The following SLC30A9 variants were observed in gnomAD, a reference collection of about 807,000 sequenced individuals.
The protein encoded by SLC30A9 is proton-coupled zinc antiporter SLC30A9, mitochondrial.
Under a neutral mutation model 87.5 loss-of-function variants are expected in SLC30A9, and 58 were observed. The ratio of observed to expected loss-of-function variants is 0.66; its 90% confidence interval spans 0.54 to 0.82. The LOEUF (loss-of-function observed/expected upper bound fraction) is 0.82, where lower values mean the gene tolerates loss of function less well. Ranked by LOEUF, SLC30A9 falls within the 40% of genes least tolerant of loss-of-function variation. The pLI, the probability that SLC30A9 is intolerant of heterozygous loss-of-function variation, is 0.00. For synonymous variants in SLC30A9, 234 were observed against 233.0 expected (o/e 1.00, Z -0.04); for missense variants, 557 against 679.1 (o/e 0.82, Z 2.00).
At chr4:42,064,330 GA>G (rs1345551347) in intron 11 of SLC30A9, among the ~76,000 whole-genome samples, 2 of 152,134 alleles carry the variant, frequency 1.3e-5, no homozygotes, top group African/African-American at 4.8e-5. Flanking sequence ...GGAATGTGGG[GA>G]TACTTGTACC....
chr4:41,992,599 G>C (rs1219069094), intron 1 of SLC30A9, among the ~76,000 whole-genome samples: 2 of 152,142 alleles, frequency 1.3e-5, no homozygotes, highest in East Asian at 3.8e-4. Flanking sequence ...TGTCTCATCT[G>C]TCTGTGAAAC....
intron 2 of SLC30A9, among the ~76,000 whole-genome samples, chr4:42,005,547 C>T (rs1431262060): frequency 6.6e-6 from 1 of 152,166 alleles, no homozygotes; most frequent in Admixed American, 6.5e-5. Flanking sequence ...TGTTAGACTC[C>T]TTATCTTGGC....
In SLC30A9 at chr4:42,023,398, A is replaced by C; in HGVS notation, c.610+14A>C. On this transcript the variant is annotated intron_variant, in intron 6 of 17. Coordinates refer to ENST00000264451, the MANE Select transcript of SLC30A9 (RefSeq NM_006345.4). Reference sequence around the variant, plus strand: ...AATACAGAGAAAGTAAGTATATTCAATTTAAAGTCAAGTTAATTGAAAAAT... The same window carrying C: ...AATACAGAGAAAGTAAGTATATTCACTTTAAAGTCAAGTTAATTGAAAAAT... The C allele has an allele frequency of 6.7e-7, 1 of 1,497,806 alleles. No individual in the cohort carries two copies. The highest frequency in any genetic ancestry group is 9.3e-7 in the Non-Finnish European group (1 of 1,074,148). The allele number at this position is 1,497,806 out of a possible 1,614,324, so 92.8% of individuals were successfully genotyped here.
chr4:42,081,768 C>A (rs370641029), intron 17 of SLC30A9, among the ~76,000 whole-genome samples: 1 of 152,174 alleles, frequency 6.6e-6, no homozygotes, highest in African/African-American at 2.4e-5. Context: ...TTTACTCTTA[C>A]AACAATCAGA....
chr4:42,062,517 G>A (rs1375780710), intron 10 of SLC30A9, among the ~76,000 whole-genome samples: 1 of 152,158 alleles, frequency 6.6e-6, no homozygotes, highest in African/African-American at 2.4e-5. Flanking sequence ...TTCAGAACCA[G>A]CAATAAATTA....
intron 6 of SLC30A9, among the ~76,000 whole-genome samples, chr4:42,024,839 T>G (rs937704351): frequency 6.6e-6 from 1 of 152,360 alleles, no homozygotes; most frequent in Non-Finnish European, 1.5e-5. Context: ...TAGTGGTTTT[T>G]CTTAGTTCTT....
chr4:42,018,247 C>G (rs1577687435), intron 3 of SLC30A9, 77 bp downstream of exon 3: 2 of 835,364 alleles, frequency 2.4e-6, no homozygotes, highest in East Asian at 5.6e-5. Context: ...ATGTAGAGCT[C>G]TTTATAGTTA....
intron 12 of SLC30A9, 137 bp from the exon 13 acceptor site, chr4:42,066,413 A>C (rs756086807): frequency 6.0e-5 from 30 of 498,982 alleles, no homozygotes; most frequent in Non-Finnish European, 1.0e-4. Context: ...GATAACAACT[A>C]ATTAACATAG....
Position 42,065,327 on chromosome 4 carries a change from A to G in SLC30A9, c.1050A>G (p.Ala350=). 1.5e-6 allele frequency: 2 copies of G among 1,368,940 alleles called. No individual in the cohort carries two copies. The highest frequency in any genetic ancestry group is 2.3e-5 in the South Asian group (2 of 85,848). The allele number at this position is 1,368,940 out of a possible 1,614,324, so 84.8% of individuals were successfully genotyped here. Residue 350 remains alanine (A), a synonymous_variant, in exon 12 of 18, where the codon GCA becomes GCG. Transcript: ENST00000264451. ...TTTTCTAGGCATATTGTATTTTAGC[A>G]GGATCATTAGTATCTGAAGGAGGTA... ...ESLLWAYCIL[A]GSLVSEGATL...
At chr4:42,023,190 A>G (rs3213767) in intron 5 of SLC30A9, 112 bp from the exon 6 acceptor site, 747,610 of 794,432 alleles carry the variant, frequency 0.94, 352,035 homozygotes, top group East Asian at 0.99. Context: ...ATGTTTCTCC[A>G]AAAGCACCTT....
At chr4:42,027,015 A>G (rs1716220662) in intron 6 of SLC30A9, among the ~76,000 whole-genome samples, 1 of 152,118 alleles carries the variant, frequency 6.6e-6, no homozygotes. Context: ...GGCTTCCTGG[A>G]TAGCTTACAA....
chr4:42,058,065 G>T (rs571388171), intron 9 of SLC30A9, among the ~76,000 whole-genome samples: 1 of 143,914 alleles, frequency 6.9e-6, no homozygotes, highest in Non-Finnish European at 1.5e-5. Flanking sequence ...TCGTGCCACT[G>T]CATTCCAGCC....
intron 8 of SLC30A9, among the ~76,000 whole-genome samples, chr4:42,045,366 A>T (rs1274804017): frequency 2.0e-5 from 3 of 152,148 alleles, no homozygotes; most frequent in Non-Finnish European, 4.4e-5. Context: ...AACAATGAAA[A>T]ATGATAAAGG....
At chr4:42,007,351 C>T (rs1715251626) in intron 2 of SLC30A9, among the ~76,000 whole-genome samples, 1 of 152,058 alleles carries the variant, frequency 6.6e-6, no homozygotes, top group Admixed American at 6.6e-5. Flanking sequence ...GCTTGGTTTG[C>T]ACATCTGAAT....
At chr4:42,016,373 T>C (rs1715720616) in intron 2 of SLC30A9, among the ~76,000 whole-genome samples, 1 of 152,152 alleles carries the variant, frequency 6.6e-6, no homozygotes, top group African/African-American at 2.4e-5. Flanking sequence ...AACCTTGGAA[T>C]TTACTACTCA....
chr4:42,087,583 T>A lies in SLC30A9; in HGVS notation c.*1457T>A, dbSNP rs1718966854. The A allele has an allele frequency of 8.1e-6, 1 of 123,872 alleles. No individual in the cohort carries two copies. 7.7% of individuals were successfully genotyped at this position (123,872 alleles called of 1,614,324 possible). ...ACTGGAAAATTGTGAGACTTTACGTTGGTGTATTTTTCTTTTTTTTTTTTT... is the reference window on the plus strand; with the variant it reads ...ACTGGAAAATTGTGAGACTTTACGTAGGTGTATTTTTCTTTTTTTTTTTTT... On this transcript the variant is annotated 3_prime_UTR_variant, in exon 18 of 18. Coordinates refer to ENST00000264451, the MANE Select transcript of SLC30A9 (RefSeq NM_006345.4).
intron 2 of SLC30A9, among the ~76,000 whole-genome samples, chr4:42,007,391 T>TA (rs1715254002): frequency 2.0e-5 from 3 of 152,190 alleles, no homozygotes; most frequent in Non-Finnish European, 2.9e-5. Context: ...TCTTAACAGA[T>TA]GATGCAGTGA....
At chr4:42,048,093 G>T (rs1219217653) in intron 8 of SLC30A9, among the ~76,000 whole-genome samples, 1 of 152,096 alleles carries the variant, frequency 6.6e-6, no homozygotes, top group Non-Finnish European at 1.5e-5. Flanking sequence ...GGGTGGCTAG[G>T]GGAGGGATAG....
intron 9 of SLC30A9, among the ~76,000 whole-genome samples, chr4:42,050,367 G>A (rs1251744579): frequency 6.6e-6 from 1 of 152,132 alleles, no homozygotes; most frequent in Non-Finnish European, 1.5e-5. Flanking sequence ...TGCAGTGGGA[G>A]GAGAGGGGAT....
Sources: allele counts gnomAD v4.1 joint callset (sites outside exome capture counted in the v4.1 genomes callset), GRCh38; gene constraint gnomAD v4.1.1; transcripts MANE v1.5; gene names NCBI Gene and HGNC (gene_info 2026-07-23, HGNC 2026-07-21).